CPXM2: variants seen among roughly 807,000 people sequenced by gnomAD.
The protein encoded by CPXM2 is carboxypeptidase X, M14 family member 2, also known as inactive carboxypeptidase-like protein X2.
CPXM2 carries 66 observed loss-of-function variants against 86.1 expected under a neutral mutation model. The ratio of observed to expected loss-of-function variants is 0.77; its 90% CI spans 0.63 to 0.94. The LOEUF is 0.94. CPXM2 is among the 40% of genes least tolerant of loss of function. CPXM2 has a pLI of 0.00. For missense variants in CPXM2, 948 were observed against 1,026.3 expected (o/e 0.92, Z 1.04); for synonymous variants, 388 against 400.2 (o/e 0.97, Z 0.36).
upstream of CPXM2, among the ~76,000 whole-genome samples, chr10:123,892,249 G>A (rs368478651): frequency 4.6e-4 from 70 of 152,276 alleles, 1 homozygote; most frequent in African/African-American, 1.4e-3. Flanking sequence ...TTCAGGAACT[G>A]GGAATGAGGA....
chr10:123,869,241 G>A (rs778971787), intron 2 of CPXM2, among the ~76,000 whole-genome samples: 4 of 152,136 alleles, frequency 2.6e-5, no homozygotes, highest in Admixed American at 2.0e-4. Context: ...AGTGTTCTGC[G>A]GGGGTTCCCA....
chr10:123,917,382 C>A (rs1033430087), intron 2 of CPXM2, among the ~76,000 whole-genome samples: 34 of 152,218 alleles, frequency 2.2e-4, no homozygotes, highest in Non-Finnish European at 7.3e-5. Flanking sequence ...TTTTTCAACA[C>A]TTTCTTTCAA....
intron 4 of CPXM2, among the ~76,000 whole-genome samples, chr10:123,804,782 T>C (rs1847543574): frequency 6.6e-6 from 1 of 152,194 alleles, no homozygotes; most frequent in Non-Finnish European, 1.5e-5. Flanking sequence ...AAGGGAAGGT[T>C]TCTATATTTC....
At position 123,788,811 on chromosome 10, in the gene CPXM2, CACTA is replaced by C. The variant is rs1307000269; in HGVS notation, c.890-8560_890-8557del. Among the ~76,000 whole-genome samples, 27 of 149,130 alleles carry C rather than the reference CACTA, an allele frequency of 1.8e-4. 1 individual carries two copies. Among genetic ancestry groups the C allele is most frequent in the South Asian group, 4.2e-4 (2 of 4,746 alleles). The stretch of plus-strand genomic sequence containing the variant: ...TGGGGCTTGCACAGCATTATGAATG[CACTA>C]ACTATCGCCAAAGCGTACACTTTAA... On this transcript the variant is annotated intron_variant, in intron 6 of 13. Coordinates refer to ENST00000241305, the MANE Select transcript of CPXM2 (RefSeq NM_198148.3).
chr10:123,816,477 G>A (rs752077463), intron 4 of CPXM2, among the ~76,000 whole-genome samples: 5 of 152,252 alleles, frequency 3.3e-5, no homozygotes, highest in Non-Finnish European at 4.4e-5. Context: ...TTGAAAGGTA[G>A]TGATTTCCAC....
intron 2 of CPXM2, among the ~76,000 whole-genome samples, chr10:123,906,232 T>C (rs1162198940): frequency 1.3e-5 from 2 of 152,226 alleles, no homozygotes; most frequent in African/African-American, 4.8e-5. Flanking sequence ...AACCTCGTTC[T>C]TTAACCTTAC....
chr10:123,804,384 G>C (rs977259903), intron 4 of CPXM2, among the ~76,000 whole-genome samples: 1 of 151,988 alleles, frequency 6.6e-6, no homozygotes, highest in Non-Finnish European at 1.5e-5. Flanking sequence ...CTATAAACAT[G>C]GTATATGATC....
chr10:123,827,447 T>C (rs1848071591), intron 4 of CPXM2, among the ~76,000 whole-genome samples: 1 of 152,134 alleles, frequency 6.6e-6, no homozygotes, highest in African/African-American at 2.4e-5. Flanking sequence ...AACAATATCA[T>C]TTACAATTGC....
At chr10:123,803,671 TG>T (rs1380967753) in intron 4 of CPXM2, among the ~76,000 whole-genome samples, 5 of 152,134 alleles carry the variant, frequency 3.3e-5, no homozygotes, top group African/African-American at 1.2e-4. Context: ...TTTTTGTTTT[TG>T]TTTTTTTGAG....
At chr10:123,851,973 T>C (rs1046816707) in intron 3 of CPXM2, among the ~76,000 whole-genome samples, 1 of 151,960 alleles carries the variant, frequency 6.6e-6, no homozygotes, top group African/African-American at 2.4e-5. Flanking sequence ...GGGTGATGCA[T>C]CTACCAGCCC....
At chr10:123,902,387 A>T (rs1590113606) in intron 2 of CPXM2, among the ~76,000 whole-genome samples, 1 of 152,210 alleles carries the variant, frequency 6.6e-6, no homozygotes, top group South Asian at 2.1e-4. Context: ...AACCTGATAG[A>T]GAATTATGGT....
At chr10:123,766,453 C>G (rs1215788382) in intron 10 of CPXM2, among the ~76,000 whole-genome samples, 3 of 152,184 alleles carry the variant, frequency 2.0e-5, no homozygotes, top group African/African-American at 7.2e-5. Flanking sequence ...CTATGATGAC[C>G]AGGAAAGATA....
At chr10:123,778,007 C>CT (rs1429344944) in intron 7 of CPXM2, among the ~76,000 whole-genome samples, 4 of 152,154 alleles carry the variant, frequency 2.6e-5, no homozygotes, top group African/African-American at 4.8e-5. Context: ...CTTTCTCCGC[C>CT]TTATAGTGTC....
chr10:123,941,449 C>T (rs748514870), upstream of CPXM2, among the ~76,000 whole-genome samples: 27 of 152,174 alleles, frequency 1.8e-4, no homozygotes, highest in African/African-American at 6.0e-4. Flanking sequence ...TATAAGGACA[C>T]CATCATATTG....
At chr10:123,877,777 G>T (rs76353472) in intron 2 of CPXM2, among the ~76,000 whole-genome samples, 6,157 of 152,262 alleles carry the variant, frequency 0.04, 172 homozygotes, top group East Asian at 0.11. Flanking sequence ...ACACCTAAAA[G>T]GTAGTTTGAT....
Position 123,885,599 on chromosome 10 carries a change from G to C in CPXM2, c.305-5290C>G, listed in dbSNP as rs933758947. ...ATGCCCAACGAGTAGCCAGCTGGCT[G>C]CCAGCCAGATGTGGATGCCAGCCCT... On this transcript the variant is annotated intron_variant, in intron 1 of 13. Coordinates refer to ENST00000241305, the MANE Select transcript of CPXM2 (RefSeq NM_198148.3). This position sits in a 1 kb window ranked among gnomAD's most constrained non-coding sequence, Gnocchi z 4.0. Among the ~76,000 whole-genome samples the C allele has an allele frequency of 2.0e-5, 3 of 152,226 alleles. No homozygotes were observed. Among genetic ancestry groups the C allele is most frequent in the African/African-American group, 7.2e-5 (3 of 41,466 alleles).
chr10:123,848,015 G>A (rs977663356), intron 3 of CPXM2, among the ~76,000 whole-genome samples: 1 of 152,222 alleles, frequency 6.6e-6, no homozygotes, highest in Non-Finnish European at 1.5e-5. Context: ...CTGCCTCTCT[G>A]CAGACGTATC....
intron 2 of CPXM2, among the ~76,000 whole-genome samples, chr10:123,878,403 A>C (rs577008522): frequency 3.8e-4 from 56 of 146,492 alleles, no homozygotes; most frequent in African/African-American, 1.4e-3. Context: ...CTATGAGACC[A>C]GTGATCCCAA....
intron 1 of CPXM2, among the ~76,000 whole-genome samples, chr10:123,888,659 C>T (rs1945217988): frequency 6.6e-6 from 1 of 152,236 alleles, no homozygotes. Flanking sequence ...ACGCTTAAAC[C>T]AGTCTTCCCA....
Sources: allele counts gnomAD v4.1 joint callset (sites outside exome capture counted in the v4.1 genomes callset), GRCh38; gene constraint gnomAD v4.1.1; non-coding constraint Gnocchi (gnomAD v3.1); transcripts MANE v1.5; gene names NCBI Gene and HGNC (gene_info 2026-07-23, HGNC 2026-07-21).